WWP2: variants seen among roughly 807,000 people sequenced by gnomAD.
WWP2 encodes NEDD4-like E3 ubiquitin-protein ligase WWP2.
WWP2 carries 57 observed loss-of-function variants against 121.0 expected under a neutral mutation model. The ratio of observed to expected loss-of-function variants is 0.47; its 90% confidence interval spans 0.38 to 0.59. The LOEUF (loss-of-function observed/expected upper bound fraction) is 0.59. WWP2 is among the 20% of genes least tolerant of loss of function. The pLI is 0.00. For missense variants in WWP2, 962 were observed against 1,158.9 expected, an observed-to-expected ratio of 0.83 and a Z score of 2.47; for synonymous variants, 449 against 441.3, an observed-to-expected ratio of 1.02 and a Z score of -0.22.
intron 4 of WWP2, among the ~76,000 whole-genome samples, chr16:69,813,082 G>A (rs188961566): frequency 2.0e-5 from 3 of 151,842 alleles, no homozygotes; most frequent in South Asian, 2.1e-4. Context: ...TCATGTATGC[G>A]TGTGTGTAGG....
intron 1 of WWP2, among the ~76,000 whole-genome samples, chr16:69,777,193 A>G (rs1567657802): frequency 2.0e-5 from 3 of 151,956 alleles, no homozygotes; most frequent in African/African-American, 7.2e-5. Context: ...TGTATATACA[A>G]TATACATATG....
intron 10 of WWP2, among the ~76,000 whole-genome samples, chr16:69,920,162 G>A (rs1362317204): frequency 6.6e-6 from 1 of 152,166 alleles, no homozygotes; most frequent in Non-Finnish European, 1.5e-5. Context: ...AGTTCTGTCT[G>A]TGGGGATGGA....
intron 10 of WWP2, among the ~76,000 whole-genome samples, chr16:69,922,996 T>C (rs909272005): frequency 6.6e-6 from 1 of 152,150 alleles, no homozygotes; most frequent in Non-Finnish European, 1.5e-5. Context: ...TTTAAGCGAT[T>C]ATCCTGCCTC....
intron 6 of WWP2, among the ~76,000 whole-genome samples, chr16:69,842,742 T>C (rs1302504739): frequency 6.6e-6 from 1 of 152,138 alleles, no homozygotes; most frequent in Non-Finnish European, 1.5e-5. Context: ...CCATCACAGC[T>C]CATAGCAGCC....
At chr16:69,841,318 C>A (rs1209636554) in intron 5 of WWP2, among the ~76,000 whole-genome samples, 1 of 152,172 alleles carries the variant, frequency 6.6e-6, no homozygotes, top group Non-Finnish European at 1.5e-5. Flanking sequence ...TGGGGGAGAT[C>A]TCATCTAAGT....
In WWP2 at chr16:69,937,443, C is replaced by T. The variant is rs377349940; in HGVS notation, c.2239-105C>T. The stretch of plus-strand genomic sequence containing the variant: ...ATTACCCATATTATTAACGCTGACA[C>T]CAAAAATAGCTAGTTGAATATGTTT... On this transcript the variant is annotated intron_variant, in intron 20 of 23. Transcript: ENST00000359154. The surrounding 1 kb of genome is among the most constrained non-coding windows in gnomAD (Gnocchi z 6.6). The T allele has an allele frequency of 7.2e-7, 1 of 1,391,594 alleles. No homozygotes were observed. The highest frequency in any genetic ancestry group is 1.4e-5 in the African/African-American group (1 of 69,514). The allele number at this position is 1,391,594 out of a possible 1,614,324, so 86.2% of individuals were successfully genotyped here.
At chr16:69,866,804 T>G (rs918531559) in intron 6 of WWP2, among the ~76,000 whole-genome samples, 4 of 7,002 alleles carry the variant, frequency 5.7e-4, no homozygotes, top group African/African-American at 1.2e-3. Context: ...AGTTCCGTAT[T>G]TATTTATTTA....
chr16:69,765,905 C>T (rs1334491334), intron 1 of WWP2, among the ~76,000 whole-genome samples: 2 of 152,118 alleles, frequency 1.3e-5, no homozygotes, highest in Admixed American at 1.3e-4. Context: ...TCAAGACATC[C>T]TCCTGCCTCA....
At chr16:69,900,105 T>G (rs2058179927) in intron 8 of WWP2, among the ~76,000 whole-genome samples, 1 of 152,204 alleles carries the variant, frequency 6.6e-6, no homozygotes, top group Non-Finnish European at 1.5e-5. Flanking sequence ...CAGATGCACT[T>G]ATAGCTAAAT....
intron 4 of WWP2, among the ~76,000 whole-genome samples, chr16:69,826,364 G>C (rs148652320): frequency 1.1e-3 from 167 of 151,236 alleles, no homozygotes; most frequent in African/African-American, 3.9e-3. Context: ...CCAGGAGTAC[G>C]AGACCAGCTT....
chr16:69,853,949 G>C (rs2057265077), intron 6 of WWP2, among the ~76,000 whole-genome samples: 1 of 152,110 alleles, frequency 6.6e-6, no homozygotes, highest in African/African-American at 2.4e-5. Flanking sequence ...GTACTGCCTG[G>C]CTCTGGGGCA....
At chr16:69,777,923 A>G (rs1422154353) in intron 1 of WWP2, among the ~76,000 whole-genome samples, 1 of 150,630 alleles carries the variant, frequency 6.6e-6, no homozygotes, top group African/African-American at 2.4e-5. Context: ...TTAAAAAATT[A>G]GGTGAGTCTG....
chr16:69,770,938 A>C (rs994318242), intron 1 of WWP2, among the ~76,000 whole-genome samples: 20 of 151,398 alleles, frequency 1.3e-4, no homozygotes, highest in African/African-American at 4.4e-4. Context: ...TTTGAGATCA[A>C]CCCGGGCAGC....
At chr16:69,816,495 A>G (rs1277983548) in intron 4 of WWP2, among the ~76,000 whole-genome samples, 1 of 148,700 alleles carries the variant, frequency 6.7e-6, no homozygotes, top group East Asian at 1.9e-4. Context: ...GTAATATATA[A>G]ACATATATAC....
At chr16:69,906,220 C>T (rs1300009305) in intron 8 of WWP2, among the ~76,000 whole-genome samples, 1 of 152,030 alleles carries the variant, frequency 6.6e-6, no homozygotes, top group Non-Finnish European at 1.5e-5. Flanking sequence ...CTACAGGTGC[C>T]TGCCACCATG....
chr16:69,857,721 G>A (rs1468317144), intron 6 of WWP2, among the ~76,000 whole-genome samples: 8 of 146,988 alleles, frequency 5.4e-5, no homozygotes. Flanking sequence ...GAGTGCAGTG[G>A]CACAATCACA....
At chr16:69,936,475 T>G (rs1021351872) in intron 19 of WWP2, 23 bp downstream of exon 19, 1 of 1,612,492 alleles carries the variant, frequency 6.2e-7, no homozygotes. Flanking sequence ...CGCCGGGGGC[T>G]CCGCTCCAGG....
At chr16:69,802,392 A>T (rs564150795) in intron 4 of WWP2, among the ~76,000 whole-genome samples, 30 of 152,276 alleles carry the variant, frequency 2.0e-4, no homozygotes, top group African/African-American at 7.2e-4. Context: ...ATTCTGTCCC[A>T]TTAAACCATG....
intron 7 of WWP2, among the ~76,000 whole-genome samples, chr16:69,881,867 A>T (rs2057836242): frequency 6.6e-6 from 1 of 152,048 alleles, no homozygotes; most frequent in African/African-American, 2.4e-5. Context: ...ATTTTTTTCT[A>T]TTTTTAGTAG....
Sources: allele counts gnomAD v4.1 joint callset (sites outside exome capture counted in the v4.1 genomes callset), GRCh38; gene constraint gnomAD v4.1.1; non-coding constraint Gnocchi (gnomAD v3.1); transcripts MANE v1.5; gene names NCBI Gene and HGNC (gene_info 2026-07-23, HGNC 2026-07-21).